The following TASP1 variants were observed in gnomAD, a reference collection of about 807,000 sequenced individuals.
TASP1 encodes threonine aspartase 1.
Under a neutral mutation model 56.6 loss-of-function variants are expected in TASP1, and 16 were observed. That is an observed-to-expected ratio of 0.28 (90% CI 0.19 to 0.43). The LOEUF is 0.43. Among genes scored for constraint, TASP1 ranks in the 20% least tolerant of loss-of-function variants. The pLI is 1.00. For missense variants in TASP1, 393 were observed against 511.6 expected, an observed-to-expected ratio of 0.77 and a Z score of 2.24; for synonymous variants, 179 against 184.2, an observed-to-expected ratio of 0.97 and a Z score of 0.23.
At chr20:13,341,721 A>G in the TASP1 span, among the ~76,000 whole-genome samples, 1 of 151,872 alleles carries the variant, frequency 6.6e-6, no homozygotes, top group Non-Finnish European at 1.5e-5. Flanking sequence ...AACTTCTATC[A>G]TTTTTCAAAA....
At chr20:13,305,058 A>G in the TASP1 span, among the ~76,000 whole-genome samples, 17 of 152,056 alleles carry the variant, frequency 1.1e-4, no homozygotes, top group African/African-American at 4.1e-4. Flanking sequence ...TGATAATAAC[A>G]TAGTATTATT....
chr20:13,211,644 A>G, the TASP1 span, among the ~76,000 whole-genome samples: 70,780 of 151,988 alleles, frequency 0.47, 17,943 homozygotes, highest in African/African-American at 0.68. Context: ...GATATTGTAC[A>G]ATTAGATAAT....
chr20:13,191,961 C>T, the TASP1 span, among the ~76,000 whole-genome samples: 42 of 152,114 alleles, frequency 2.8e-4, no homozygotes, highest in Non-Finnish European at 8.8e-5. Flanking sequence ...TTCTCAGCCT[C>T]CAGAATTGTG....
chr20:13,311,794 G>A, the TASP1 span, among the ~76,000 whole-genome samples: 3 of 152,168 alleles, frequency 2.0e-5, no homozygotes, highest in African/African-American at 7.2e-5. Flanking sequence ...AGGCGTAAAG[G>A]GGTGTGGAAA....
intron 6 of TASP1, among the ~76,000 whole-genome samples, chr20:13,571,958 T>C (rs189988513): frequency 1.3e-5 from 2 of 152,226 alleles, no homozygotes; most frequent in Admixed American, 6.5e-5. Context: ...TGCTCAAATA[T>C]CCCTCCTTCA....
the TASP1 span, among the ~76,000 whole-genome samples, chr20:13,144,247 C>T: frequency 1.3e-5 from 2 of 152,274 alleles, no homozygotes. Flanking sequence ...TTATTGGGCA[C>T]TTGATTTTCT....
intron 6 of TASP1, among the ~76,000 whole-genome samples, chr20:13,577,795 A>C (rs1465304164): frequency 6.6e-6 from 1 of 152,204 alleles, no homozygotes; most frequent in African/African-American, 2.4e-5. Flanking sequence ...TATTTTGTTA[A>C]GGCAGCCCAA....
the TASP1 span, among the ~76,000 whole-genome samples, chr20:13,359,603 G>C: frequency 7.1e-3 from 1,069 of 150,714 alleles, 11 homozygotes; most frequent in African/African-American, 0.025. Flanking sequence ...CATAACTGTT[G>C]TGGGTATTGA....
chr20:13,199,269 C>A, the TASP1 span, among the ~76,000 whole-genome samples: 1 of 151,996 alleles, frequency 6.6e-6, no homozygotes, highest in Non-Finnish European at 1.5e-5. Flanking sequence ...AAGGCACATG[C>A]TCATTATTCT....
At position 13,554,836 on chromosome 20, in the gene TASP1, T is replaced by C. The variant is rs920533278; in HGVS notation, c.675+4172A>G. 2.5e-4 allele frequency among the ~76,000 whole-genome samples: 38 copies of C among 152,214 alleles called. 2 individuals are homozygous for C. Among genetic ancestry groups the C allele is most frequent in the Non-Finnish European group, 2.9e-5 (2 of 68,036 alleles). On this transcript the variant is annotated intron_variant, in intron 8 of 13. Transcript: ENST00000337743. Reference sequence around the variant, plus strand: ...AGCAAGCAATTCATAATCTTTTGGCTGGTGAAGGGCCTTGCCTCAATGTTG... The same window carrying C: ...AGCAAGCAATTCATAATCTTTTGGCCGGTGAAGGGCCTTGCCTCAATGTTG...
intron 8 of TASP1, among the ~76,000 whole-genome samples, chr20:13,538,980 G>A (rs1452930976): frequency 6.6e-6 from 1 of 152,056 alleles, no homozygotes; most frequent in African/African-American, 2.4e-5. Flanking sequence ...CCCAGGAGGT[G>A]GAGGTTGCAG....
chr20:13,541,861 C>G (rs931890576), intron 8 of TASP1, among the ~76,000 whole-genome samples: 36 of 151,842 alleles, frequency 2.4e-4, no homozygotes, highest in African/African-American at 7.7e-4. Flanking sequence ...TTAAAACACA[C>G]AGTGAAACCC....
At position 13,587,287 on chromosome 20, in the gene TASP1, T is replaced by C. The variant is rs143872568; in HGVS notation, c.366A>G (p.Gly122=). ...CAACTGCTCCAAAATTTAAGGATTT[T>C]CCATCCATTATGCTGGCATCACACT... is the stretch of plus-strand genomic sequence containing the variant. The part of the protein sequence containing the change: ...EIECDASIMD[G]KSLNFGAVGA... Residue 122 remains glycine, a synonymous_variant, in exon 5 of 14, where the codon GGA becomes GGG. Coordinates refer to ENST00000337743, the MANE Select transcript of TASP1 (RefSeq NM_017714.3). 119 of 1,613,082 alleles carry C rather than the reference T, an allele frequency of 7.4e-5. No homozygotes were observed. The African/African-American group carries it at 1.4e-3, about 19-fold the overall frequency.
chr20:13,276,818 T>A, the TASP1 span, among the ~76,000 whole-genome samples: 1 of 152,172 alleles, frequency 6.6e-6, no homozygotes, highest in Non-Finnish European at 1.5e-5. Flanking sequence ...ATTGGAGAAG[T>A]CATTGATCAC....
chr20:13,174,918 C>T, the TASP1 span, among the ~76,000 whole-genome samples: 1 of 152,068 alleles, frequency 6.6e-6, no homozygotes, highest in Admixed American at 6.6e-5. Context: ...ATATGGTTCT[C>T]ATAGTAGTGA....
chr20:13,390,799 A>G (rs564253537), intron 13 of TASP1, among the ~76,000 whole-genome samples: 1 of 152,354 alleles, frequency 6.6e-6, no homozygotes, highest in African/African-American at 2.4e-5. Context: ...GAGTATAGTC[A>G]TTATGTGAAA....
At chr20:13,285,325 C>G in the TASP1 span, among the ~76,000 whole-genome samples, 7 of 150,772 alleles carry the variant, frequency 4.6e-5, no homozygotes, top group Admixed American at 2.0e-4. Context: ...AAAAAAAAAG[C>G]CAACCGCAAA....
chr20:13,251,307 G>A, the TASP1 span, among the ~76,000 whole-genome samples: 2 of 152,154 alleles, frequency 1.3e-5, no homozygotes, highest in Non-Finnish European at 2.9e-5. Flanking sequence ...AGCTTTTATT[G>A]TAAAAATGTT....
chr20:13,511,202 AT>A (rs1039745284), intron 10 of TASP1, among the ~76,000 whole-genome samples: 35 of 149,776 alleles, frequency 2.3e-4, no homozygotes, highest in South Asian at 8.5e-4. Context: ...CTAAAAGAAG[AT>A]TTTTTTTTTA....
Sources: gnomAD v4.1 joint callset for allele counts (sites outside exome capture counted in the v4.1 genomes callset) on GRCh38, gnomAD v4.1.1 for gene constraint, MANE v1.5 for transcripts, NCBI Gene and HGNC (gene_info 2026-07-23, HGNC 2026-07-21) for gene names.